DDAH1: variants seen among roughly 807,000 people sequenced by gnomAD.
DDAH1 encodes N(G),N(G)-dimethylarginine dimethylaminohydrolase 1.
Under a neutral mutation model 28.8 loss-of-function variants are expected in DDAH1, and 19 were observed. The ratio of observed to expected loss-of-function variants is 0.66; its 90% CI spans 0.46 to 0.97. DDAH1 has a LOEUF of 0.97. Among genes scored for constraint, DDAH1 ranks in the 50% least tolerant of loss-of-function variants. The pLI, the probability that DDAH1 is intolerant of heterozygous loss-of-function variation, is 0.00. For synonymous variants in DDAH1, 153 were observed against 154.4 expected (o/e 0.99, Z 0.07); for missense variants, 326 against 375.9 (o/e 0.87, Z 1.10).
At chr1:85,463,609 A>C (rs1655221843) in intron 1 of DDAH1, among the ~76,000 whole-genome samples, 1 of 152,242 alleles carries the variant, frequency 6.6e-6, no homozygotes, top group Non-Finnish European at 1.5e-5. Context: ...AAATTAGTAG[A>C]ATATGCTTAT....
chr1:85,473,527 C>CCTTCATTTCCTTGTGAAATGAAGTTG lies in DDAH1; in HGVS notation c.-7+22613_-7+22638dup, dbSNP rs1655690858. ...CACGCGCACAGGGCTCTGATAACCC[C>CCTTCATTTCCTTGTGAAATGAAGTTG]CTTCATTTCCTTGTGAAATGAAGTT... On this transcript the variant is annotated intron_variant, in intron 2 of 6. Transcript: ENST00000426972. Among the ~76,000 whole-genome samples, 4 of 151,802 alleles carry CCTTCATTTCCTTGTGAAATGAAGTTG rather than the reference C, an allele frequency of 2.6e-5. No individual in the cohort carries two copies. The South Asian group carries it at 6.2e-4, about 24-fold the overall frequency.
intron 4 of DDAH1, among the ~76,000 whole-genome samples, chr1:85,325,497 C>T (rs1647332161): frequency 6.6e-6 from 1 of 152,060 alleles, no homozygotes; most frequent in African/African-American, 2.4e-5. Context: ...TCCCAGGCCT[C>T]ACCCTTAGGG....
intron 1 of DDAH1, chr1:85,577,920 G>GATA (rs1282815301): frequency 1.0e-6 from 1 of 954,666 alleles, no homozygotes; most frequent in Non-Finnish European, 1.2e-6. Flanking sequence ...GCACCCGTAT[G>GATA]GGGAGGGTGA....
intron 1 of DDAH1, chr1:85,404,246 A>G (rs1652295352): frequency 1.4e-6 from 1 of 718,902 alleles, no homozygotes; most frequent in Admixed American, 3.2e-5. Flanking sequence ...CTCCATTTCT[A>G]GAATCCACTT....
At chr1:85,412,303 T>C (rs949894812) in intron 1 of DDAH1, among the ~76,000 whole-genome samples, 2 of 152,178 alleles carry the variant, frequency 1.3e-5, no homozygotes, top group Non-Finnish European at 2.9e-5. Flanking sequence ...ACAGAAATAA[T>C]CAGTCTACTG....
At chr1:85,412,992 C>A (rs991162368) in intron 1 of DDAH1, among the ~76,000 whole-genome samples, 2 of 152,096 alleles carry the variant, frequency 1.3e-5, no homozygotes, top group African/African-American at 2.4e-5. Context: ...CAGAGCAAGA[C>A]CCTCTCTCAA....
chr1:85,444,324 T>C (rs973819999), intron 1 of DDAH1, among the ~76,000 whole-genome samples: 1 of 152,202 alleles, frequency 6.6e-6, no homozygotes, highest in African/African-American at 2.4e-5. Flanking sequence ...CGTTTATTGA[T>C]TTGCATTTGT....
intron 1 of DDAH1, among the ~76,000 whole-genome samples, chr1:85,545,622 CA>C (rs1658598307): frequency 6.6e-6 from 1 of 152,090 alleles, no homozygotes; most frequent in Non-Finnish European, 1.5e-5. Flanking sequence ...AATATATATC[CA>C]AAATGTTCCC....
intron 2 of DDAH1, chr1:85,495,735 A>C (rs1014537575): frequency 6.6e-6 from 1 of 152,264 alleles, no homozygotes; most frequent in Non-Finnish European, 1.5e-5. Context: ...ACAGGGCTGC[A>C]AAATTCATGG....
chr1:85,385,387 T>C (rs1651203153), intron 1 of DDAH1, among the ~76,000 whole-genome samples: 1 of 152,232 alleles, frequency 6.6e-6, no homozygotes, highest in South Asian at 2.1e-4. Flanking sequence ...ACATACTAAA[T>C]TATAGCTTAC....
chr1:85,550,929 C>T (rs1344567981), intron 1 of DDAH1, among the ~76,000 whole-genome samples: 1 of 152,162 alleles, frequency 6.6e-6, no homozygotes, highest in Non-Finnish European at 1.5e-5. Flanking sequence ...AAAAGGAAAA[C>T]ATCTTCTCTA....
intron 1 of DDAH1, among the ~76,000 whole-genome samples, chr1:85,514,528 A>C (rs1215166234): frequency 6.0e-3 from 2 of 332 alleles, no homozygotes; most frequent in African/African-American, 9.0e-3. Flanking sequence ...TTAAAGCATT[A>C]AAAAAAAAAA....
chr1:85,352,698 A>C (rs1649284640), intron 2 of DDAH1, among the ~76,000 whole-genome samples: 1 of 152,214 alleles, frequency 6.6e-6, no homozygotes, highest in Admixed American at 6.5e-5. Context: ...TAATATTATA[A>C]GTGTTTTGGG....
rs113619564 is a variant in DDAH1 at position 85,461,193 on chromosome 1, C to T, written c.303+3550G>A. ...CATGTAAAATTTGATAGGCCTCTAA[C>T]GGCTTATTTTTCTTTAAAGTATTAA... is the stretch of plus-strand genomic sequence containing the variant. On this transcript the variant is annotated intron_variant, in intron 1 of 5. Coordinates refer to ENST00000284031, the MANE Select transcript of DDAH1 (RefSeq NM_012137.4). Among the ~76,000 whole-genome samples, 409 of 151,290 alleles carry T rather than the reference C, an allele frequency of 2.7e-3. 5 individuals carry two copies. Among genetic ancestry groups the T allele is most frequent in the African/African-American group, 9.3e-3 (383 of 41,310 alleles).
At chr1:85,324,415 T>C (rs1647239609) in intron 5 of DDAH1, among the ~76,000 whole-genome samples, 1 of 152,136 alleles carries the variant, frequency 6.6e-6, no homozygotes, top group South Asian at 2.1e-4. Flanking sequence ...TTATGCTTAA[T>C]GAGTATCTGA....
intron 4 of DDAH1, among the ~76,000 whole-genome samples, chr1:85,327,484 A>G (rs557369431): frequency 2.6e-5 from 4 of 152,330 alleles, no homozygotes; most frequent in South Asian, 4.1e-4. Context: ...TAATTGCTAC[A>G]AAGTTCCCAA....
chr1:85,539,433 G>A (rs1391491864), intron 1 of DDAH1, among the ~76,000 whole-genome samples: 2 of 152,324 alleles, frequency 1.3e-5, no homozygotes, highest in African/African-American at 2.4e-5. Context: ...GGGAGCCACC[G>A]CGCCTTGCCA....
chr1:85,535,394 T>C (rs1658241361), intron 1 of DDAH1, among the ~76,000 whole-genome samples: 1 of 123,854 alleles, frequency 8.1e-6, no homozygotes, highest in Non-Finnish European at 1.7e-5. Flanking sequence ...CCGCACGTTC[T>C]AGTTTCAGCC....
chr1:85,499,674 A>G (rs1557695428), intron 1 of DDAH1, among the ~76,000 whole-genome samples: 1 of 152,066 alleles, frequency 6.6e-6, no homozygotes, highest in Non-Finnish European at 1.5e-5. Flanking sequence ...CTCAAAAAAA[A>G]AAAAAGAAAC....
Sources: allele counts gnomAD v4.1 joint callset (sites outside exome capture counted in the v4.1 genomes callset), GRCh38; gene constraint gnomAD v4.1.1; transcripts MANE v1.5; gene names NCBI Gene and HGNC (gene_info 2026-07-23, HGNC 2026-07-21).